SORCS3: variants seen among roughly 807,000 people sequenced by gnomAD.
SORCS3 encodes the protein VPS10 domain-containing receptor SorCS3.
In SORCS3, 57 loss-of-function variants were observed where a neutral mutation model predicts 146.3. The observed-to-expected ratio is 0.39, with a 90% CI of 0.31 to 0.49. The LOEUF is 0.49. SORCS3 is among the 20% of genes least tolerant of loss of function. SORCS3 has a pLI of 0.92. For missense variants in SORCS3, 1,341 were observed against 1,575.5 expected (o/e 0.85, Z 2.52); for synonymous variants, 653 against 618.5 (o/e 1.06, Z -0.83).
At chr10:104,662,036 C>T (rs1427606889) in intron 1 of SORCS3, among the ~76,000 whole-genome samples, 1 of 152,128 alleles carries the variant, frequency 6.6e-6, no homozygotes. Context: ...ATTACTATCT[C>T]TCTTTAACAG....
At chr10:105,143,410 A>C (rs753114568) in intron 8 of SORCS3, among the ~76,000 whole-genome samples, 1 of 152,086 alleles carries the variant, frequency 6.6e-6, no homozygotes, top group African/African-American at 2.4e-5. Flanking sequence ...ATATCTCTCC[A>C]TTGAACTCTA....
At chr10:104,678,697 A>G (rs138270575) in intron 1 of SORCS3, among the ~76,000 whole-genome samples, 2 of 152,324 alleles carry the variant, frequency 1.3e-5, no homozygotes, top group Admixed American at 6.5e-5. Flanking sequence ...TGCTCAAAAT[A>G]TATTGTTGCA....
intron 14 of SORCS3, among the ~76,000 whole-genome samples, chr10:105,179,415 G>A (rs907543357): frequency 2.0e-5 from 3 of 152,160 alleles, no homozygotes; most frequent in Non-Finnish European, 4.4e-5. Flanking sequence ...TAGCACTCCT[G>A]TTTTCCTTTC....
At position 105,089,774 on chromosome 10, in the gene SORCS3, G is replaced by T; in HGVS notation, c.1029-1G>T. ...CTTCTGTCTCTCCCTTCCTTTCCCA[G>T]GTCGGTGGCCGGATTGGATAAGGAG... On this transcript the variant is annotated splice_acceptor_variant, in intron 5 of 26. Transcript: ENST00000369701. LOFTEE classifies it high-confidence loss of function. 6.2e-7 allele frequency: 1 copy of T among 1,613,950 alleles called. No homozygotes were observed. The highest frequency in any genetic ancestry group is 8.5e-7 in the Non-Finnish European group (1 of 1,179,896).
intron 8 of SORCS3, 22 bp from the exon 9 acceptor site, chr10:105,147,595 C>T: frequency 2.5e-6 from 4 of 1,592,646 alleles, no homozygotes; most frequent in Middle Eastern, 1.7e-4. Flanking sequence ...TGCTGCCTTA[C>T]AAGCCTTCCA....
At chr10:104,842,477 C>T (rs750497808) in intron 1 of SORCS3, among the ~76,000 whole-genome samples, 23 of 152,140 alleles carry the variant, frequency 1.5e-4, no homozygotes, top group Admixed American at 2.6e-4. Context: ...GCCAGCTGGC[C>T]TGCATCTGAC....
chr10:105,125,660 A>G (rs1261723391), intron 7 of SORCS3, among the ~76,000 whole-genome samples: 1 of 95,788 alleles, frequency 1.0e-5, no homozygotes. Flanking sequence ...TAAAACATGC[A>G]TGTTGCATCA....
In SORCS3 at chr10:104,951,794, A is replaced by C. The variant is rs546582789; in HGVS notation, c.796-25541A>C. On this transcript the variant is annotated intron_variant, in intron 3 of 26. Coordinates refer to ENST00000369701, the MANE Select transcript of SORCS3 (RefSeq NM_014978.3). The stretch of plus-strand genomic sequence containing the variant: ...GTGAAGTCTTTTATAGAGAAGTCAC[A>C]TCCCAGGATATTCTTATAATTCAGC... Among the ~76,000 whole-genome samples the C allele has an allele frequency of 3.0e-4, 45 of 152,318 alleles. 1 individual carries two copies. The South Asian group carries it at 9.3e-3, about 32-fold the overall frequency.
At chr10:104,909,252 A>G (rs1404464987) in intron 2 of SORCS3, among the ~76,000 whole-genome samples, 1 of 152,184 alleles carries the variant, frequency 6.6e-6, no homozygotes, top group Non-Finnish European at 1.5e-5. Flanking sequence ...CAGGAAAAAA[A>G]AGTTTGCCAA....
At position 104,804,027 on chromosome 10, in the gene SORCS3, G is replaced by A. The variant is rs558150828; in HGVS notation, c.628-38765G>A. 4.8e-4 allele frequency among the ~76,000 whole-genome samples: 73 copies of A among 152,316 alleles called. 1 individual carries two copies. Among genetic ancestry groups the A allele is most frequent in the African/African-American group, 1.7e-3 (72 of 41,582 alleles). ...ACTGTTTTGGGGTTTCTATTCACAA[G>A]TTTGTGGAGCTATATCATCCTTTGC... On this transcript the variant is annotated intron_variant, in intron 1 of 26. Transcript: ENST00000369701.
At position 105,097,093 on chromosome 10, in the gene SORCS3, T is replaced by C. The variant is rs530464881; in HGVS notation, c.1093+7254T>C. Among the ~76,000 whole-genome samples, 5 of 152,244 alleles carry C rather than the reference T, an allele frequency of 3.3e-5. No individual in the cohort carries two copies. The South Asian group carries it at 1.0e-3, about 32-fold the overall frequency. ...GCACAGAGCATGGCTTTTTCAGTTG[T>C]GTGGTGTGGCATTGACAATTCTGAC... is the stretch of plus-strand genomic sequence containing the variant. On this transcript the variant is annotated intron_variant, in intron 6 of 26. Coordinates refer to ENST00000369701, the MANE Select transcript of SORCS3 (RefSeq NM_014978.3).
chr10:105,112,620 C>T (rs2055866153), intron 7 of SORCS3, among the ~76,000 whole-genome samples: 1 of 152,094 alleles, frequency 6.6e-6, no homozygotes, highest in Admixed American at 6.6e-5. Flanking sequence ...AAAGAATGGC[C>T]TTGGTACAAG....
At chr10:104,677,717 T>C (rs2015927500) in intron 1 of SORCS3, among the ~76,000 whole-genome samples, 1 of 152,302 alleles carries the variant, frequency 6.6e-6, no homozygotes, top group East Asian at 1.9e-4. Flanking sequence ...TTATCTGCCA[T>C]TATCCTGTTG....
At chr10:104,984,672 G>T (rs1476284850) in intron 4 of SORCS3, among the ~76,000 whole-genome samples, 1 of 151,958 alleles carries the variant, frequency 6.6e-6, no homozygotes, top group African/African-American at 2.4e-5. Context: ...AGCGACATAG[G>T]TATATATTAA....
At chr10:104,646,577 G>A (rs2015498091) in intron 1 of SORCS3, among the ~76,000 whole-genome samples, 2 of 152,232 alleles carry the variant, frequency 1.3e-5, no homozygotes, top group Non-Finnish European at 2.9e-5. Context: ...CTGGAGACTA[G>A]TGGTTTATCC....
At chr10:105,168,613 T>A (rs1164714901) in intron 13 of SORCS3, among the ~76,000 whole-genome samples, 1 of 152,144 alleles carries the variant, frequency 6.6e-6, no homozygotes, top group Non-Finnish European at 1.5e-5. Context: ...GTAAGAATTT[T>A]ACTGGAAAGC....
chr10:104,853,868 A>C (rs1018781020), intron 2 of SORCS3, among the ~76,000 whole-genome samples: 9 of 152,240 alleles, frequency 5.9e-5, no homozygotes, highest in African/African-American at 1.2e-4. Flanking sequence ...AGAGGCCATC[A>C]GTTATTATGT....
At chr10:104,674,257 AC>A (rs904522911) in intron 1 of SORCS3, among the ~76,000 whole-genome samples, 1 of 152,230 alleles carries the variant, frequency 6.6e-6, no homozygotes, top group African/African-American at 2.4e-5. Flanking sequence ...TGTGGTTCTA[AC>A]AGCCTTTGCC....
chr10:105,087,903 T>A (rs2055674206), intron 5 of SORCS3, among the ~76,000 whole-genome samples: 1 of 152,206 alleles, frequency 6.6e-6, no homozygotes, highest in Non-Finnish European at 1.5e-5. Flanking sequence ...ATTTCATTGG[T>A]CTGGCGAAGA....
Sources: gnomAD v4.1 joint callset for allele counts (sites outside exome capture counted in the v4.1 genomes callset) on GRCh38, gnomAD v4.1.1 for gene constraint, MANE v1.5 for transcripts, NCBI Gene and HGNC (gene_info 2026-07-23, HGNC 2026-07-21) for gene names.